The following PPARD variants were observed in gnomAD, a reference collection of about 807,000 sequenced individuals.
The protein encoded by PPARD is peroxisome proliferator-activated receptor delta.
In PPARD, 6 loss-of-function variants were observed where a neutral mutation model predicts 39.5. That is an observed-to-expected ratio of 0.15 (90% CI 0.08 to 0.30). PPARD has a LOEUF of 0.30. Among genes scored for constraint, PPARD ranks in the 10% least tolerant of loss-of-function variants. PPARD has a pLI of 1.00. For synonymous variants in PPARD, 210 were observed against 231.3 expected, an observed-to-expected ratio of 0.91 and a Z score of 0.83; for missense variants, 397 against 596.8, an observed-to-expected ratio of 0.67 and a Z score of 3.49.
chr6:35,370,868 A>G (rs1163330621), intron 2 of PPARD, among the ~76,000 whole-genome samples: 1 of 152,162 alleles, frequency 6.6e-6, no homozygotes, highest in Non-Finnish European at 1.5e-5. Context: ...GGGAGCTCAC[A>G]CGAGCCCCAT....
intron 2 of PPARD, chr6:35,397,384 G>T: frequency 3.9e-6 from 1 of 255,556 alleles, no homozygotes; most frequent in Non-Finnish European, 6.1e-6. Flanking sequence ...AACGTCACTT[G>T]GCAGATTAGC....
At chr6:35,422,882 C>G (rs1378509289) in intron 5 of PPARD, among the ~76,000 whole-genome samples, 1 of 151,872 alleles carries the variant, frequency 6.6e-6, no homozygotes, top group African/African-American at 2.4e-5. Flanking sequence ...GATCTAATAA[C>G]TCAGTAAGTT....
chr6:35,362,235 G>C (rs1186009812), intron 2 of PPARD, among the ~76,000 whole-genome samples: 1 of 152,108 alleles, frequency 6.6e-6, no homozygotes, highest in Non-Finnish European at 1.5e-5. Flanking sequence ...TGTGGTGTCT[G>C]CTTGTCCTCC....
At chr6:35,402,967 C>T (rs943640822) in intron 2 of PPARD, among the ~76,000 whole-genome samples, 1 of 152,200 alleles carries the variant, frequency 6.6e-6, no homozygotes, top group Non-Finnish European at 1.5e-5. Flanking sequence ...CCCCTTATTC[C>T]GTTGCAGTAT....
chr6:35,367,053 G>C (rs940341823), intron 2 of PPARD, among the ~76,000 whole-genome samples: 5 of 152,172 alleles, frequency 3.3e-5, no homozygotes, highest in African/African-American at 1.2e-4. Flanking sequence ...GGAAAGGTGG[G>C]GGTGACTGGG....
intron 2 of PPARD, chr6:35,397,690 C>T (rs905995281): frequency 3.2e-6 from 1 of 308,940 alleles, no homozygotes; most frequent in Non-Finnish European, 4.7e-6. Flanking sequence ...ATCTCTGCCT[C>T]CTGGGGCTTA....
chr6:35,408,367 CTG>C (rs1207210559), intron 2 of PPARD, among the ~76,000 whole-genome samples: 4 of 152,160 alleles, frequency 2.6e-5, no homozygotes, highest in Admixed American at 2.0e-4. Flanking sequence ...CCAGAGAAGA[CTG>C]AGACTCAGAA....
intron 2 of PPARD, among the ~76,000 whole-genome samples, chr6:35,389,558 C>T (rs545840697): frequency 1.3e-5 from 2 of 152,002 alleles, no homozygotes; most frequent in Non-Finnish European, 2.9e-5. Flanking sequence ...GGTGATCCGC[C>T]CGCCTCGGCC....
intron 3 of PPARD, 93 bp downstream of exon 3, chr6:35,411,310 C>T (rs1045491682): frequency 1.1e-4 from 145 of 1,327,376 alleles, no homozygotes; most frequent in South Asian, 1.6e-4. Context: ...TCATGTGGGG[C>T]GCAGAGTAGC....
intron 2 of PPARD, among the ~76,000 whole-genome samples, chr6:35,386,478 G>T (rs558387899): frequency 6.6e-6 from 1 of 151,474 alleles, no homozygotes; most frequent in East Asian, 1.9e-4. Flanking sequence ...GTGACAGAGC[G>T]AGACCCCATC....
chr6:35,386,765 A>G (rs966519194), intron 2 of PPARD, among the ~76,000 whole-genome samples: 2 of 152,088 alleles, frequency 1.3e-5, no homozygotes, highest in African/African-American at 2.4e-5. Context: ...AGAGACAGAG[A>G]CAGACCTAGC....
At chr6:35,391,437 T>G (rs1426171722) in intron 2 of PPARD, among the ~76,000 whole-genome samples, 2 of 152,248 alleles carry the variant, frequency 1.3e-5, no homozygotes, top group African/African-American at 2.4e-5. Flanking sequence ...TTTACGTTGT[T>G]GGTGGGAACC....
At chr6:35,404,905 A>G (rs554940011) in intron 2 of PPARD, among the ~76,000 whole-genome samples, 3 of 151,350 alleles carry the variant, frequency 2.0e-5, no homozygotes, top group South Asian at 4.2e-4. Flanking sequence ...GGGGCCAGAC[A>G]GTGGGTATTG....
In PPARD at chr6:35,425,758, GT is replaced by G. The variant is rs1766528492; in HGVS notation, c.1079-73del. 5.7e-6 allele frequency: 9 copies of G among 1,574,430 alleles called. No individual in the cohort carries two copies. The highest frequency in any genetic ancestry group is 1.3e-5 in the African/African-American group (1 of 74,428). Reference sequence around the variant, plus strand: ...GGAGGCCTGCCGTCCCCTGGGCCAAGTCACCTCTTGGGGTGGAAGTAGGGGA... The same window carrying G: ...GGAGGCCTGCCGTCCCCTGGGCCAAGCACCTCTTGGGGTGGAAGTAGGGGA... On this transcript the variant is annotated intron_variant, in intron 7 of 7. Coordinates refer to ENST00000360694, the MANE Select transcript of PPARD (RefSeq NM_006238.5). This position sits in a 1 kb window ranked among gnomAD's most constrained non-coding sequence, Gnocchi z 4.5.
rs1297406066 is a variant in PPARD, at chr6:35,427,673, C to T, written c.*1594C>T. ...AGCTGGGCATGCCATGTCTGAGCGG[C>T]GCAGAGCCCTCCAGGCCTGCAGGGG... On this transcript the variant is annotated 3_prime_UTR_variant, in exon 8 of 8. Transcript: ENST00000360694. 6.6e-6 allele frequency: 1 copy of T among 152,358 alleles called. No homozygotes were observed. The highest frequency in any genetic ancestry group is 1.5e-5 in the Non-Finnish European group (1 of 68,208). The allele number at this position is 152,358 out of a possible 1,614,324, so 9.4% of individuals were successfully genotyped here.
chr6:35,419,761 C>T (rs9658149), intron 3 of PPARD, among the ~76,000 whole-genome samples: 2 of 152,174 alleles, frequency 1.3e-5, no homozygotes, highest in Non-Finnish European at 2.9e-5. Flanking sequence ...AGGGCTAAGA[C>T]CCTCTGTCTG....
At position 35,410,106 on chromosome 6, in the gene PPARD, G is replaced by A. The variant is rs958888111; in HGVS notation, c.-101-881G>A. 6.6e-5 allele frequency among the ~76,000 whole-genome samples: 10 copies of A among 152,254 alleles called. No homozygotes were observed. The East Asian group carries it at 1.5e-3, about 23-fold the overall frequency. On this transcript the variant is annotated intron_variant, in intron 2 of 7. Transcript: ENST00000360694. ...GGGTTTGGGGAAAATGATGGGTTCTGTTTGGATAGATTGAGTTTGAGCTGT... is the reference window on the plus strand; with the variant it reads ...GGGTTTGGGGAAAATGATGGGTTCTATTTGGATAGATTGAGTTTGAGCTGT...
intron 2 of PPARD, among the ~76,000 whole-genome samples, chr6:35,365,275 G>T (rs1442625974): frequency 6.7e-6 from 1 of 149,496 alleles, no homozygotes; most frequent in Non-Finnish European, 1.5e-5. Flanking sequence ...GGGAATACAG[G>T]TGCTTGCCAC....
Position 35,425,418 on chromosome 6 carries a change from C to T in PPARD, c.1079-414C>T, listed in dbSNP as rs1581681140. On this transcript the variant is annotated intron_variant, in intron 7 of 7. Transcript: ENST00000360694. This position sits in a 1 kb window ranked among gnomAD's most constrained non-coding sequence, Gnocchi z 4.5. ...CTAACTAACAGTGGTCTAGAGCTTACTTCATGCCAGGCACTGTTCTTTTCA... is the reference window on the plus strand; with the variant it reads ...CTAACTAACAGTGGTCTAGAGCTTATTTCATGCCAGGCACTGTTCTTTTCA... 9.3e-7 allele frequency: 1 copy of T among 1,069,906 alleles called. No individual in the cohort carries two copies. The highest frequency in any genetic ancestry group is 7.5e-5 in the East Asian group (1 of 13,402). 66.3% of individuals were successfully genotyped at this position (1,069,906 alleles called of 1,614,324 possible).
Sources: gnomAD v4.1 joint callset for allele counts (sites outside exome capture counted in the v4.1 genomes callset) on GRCh38, gnomAD v4.1.1 for gene constraint, Gnocchi (gnomAD v3.1) non-coding constraint, MANE v1.5 for transcripts, NCBI Gene and HGNC (gene_info 2026-07-23, HGNC 2026-07-21) for gene names.